Variants in PCDH9 observed in about 807,000 individuals in gnomAD.
PCDH9 encodes the protein protocadherin-9.
PCDH9 carries 24 observed loss-of-function variants against 70.6 expected under a neutral mutation model. The observed-to-expected ratio is 0.34, with a 90% CI of 0.25 to 0.48. The LOEUF is 0.48. PCDH9 is among the 20% of genes least tolerant of loss of function. The pLI, the probability that PCDH9 is intolerant of heterozygous loss-of-function variation, is 0.99. For synonymous variants in PCDH9, 562 were observed against 558.5 expected, an observed-to-expected ratio of 1.01 and a Z score of -0.09; for missense variants, 1,281 against 1,503.6, an observed-to-expected ratio of 0.85 and a Z score of 2.45.
chr13:67,020,553 A>G (rs901385474), intron 2 of PCDH9, among the ~76,000 whole-genome samples: 2 of 151,756 alleles, frequency 1.3e-5, no homozygotes, highest in African/African-American at 2.4e-5. Context: ...ATTGCAAAGG[A>G]AAAAAAAATC....
intron 2 of PCDH9, among the ~76,000 whole-genome samples, chr13:67,013,903 G>T (rs967044409): frequency 6.6e-6 from 1 of 151,982 alleles, no homozygotes; most frequent in African/African-American, 2.4e-5. Flanking sequence ...ATCATCACGA[G>T]ATAAGCATCA....
At chr13:66,742,873 G>A (rs1181393954) in intron 3 of PCDH9, among the ~76,000 whole-genome samples, 1 of 141,282 alleles carries the variant, frequency 7.1e-6, no homozygotes, top group East Asian at 2.2e-4. Context: ...TGGAGAAATA[G>A]GAACACTTTT....
At chr13:66,348,777 G>A (rs923371337) in intron 4 of PCDH9, among the ~76,000 whole-genome samples, 2 of 148,534 alleles carry the variant, frequency 1.3e-5, no homozygotes, top group African/African-American at 5.0e-5. Context: ...TTTGCAATCA[G>A]TACCTACTTC....
intron 2 of PCDH9, among the ~76,000 whole-genome samples, chr13:67,093,296 A>G (rs544903866): frequency 6.6e-6 from 1 of 152,104 alleles, no homozygotes; most frequent in Admixed American, 6.6e-5. Context: ...CTCTACTAAA[A>G]ATACAAAAAT....
chr13:66,721,971 T>C (rs2078946943), intron 3 of PCDH9, among the ~76,000 whole-genome samples: 2 of 152,220 alleles, frequency 1.3e-5, no homozygotes, highest in Non-Finnish European at 1.5e-5. Context: ...AATAAATTTA[T>C]GAACACGGAC....
intron 2 of PCDH9, among the ~76,000 whole-genome samples, chr13:67,002,411 G>A (rs2139822625): frequency 6.6e-6 from 1 of 151,826 alleles, no homozygotes; most frequent in Non-Finnish European, 1.5e-5. Flanking sequence ...ACGTGATATT[G>A]TATTTTATAC....
intron 4 of PCDH9, among the ~76,000 whole-genome samples, chr13:66,627,277 A>G (rs186874255): frequency 5.9e-4 from 90 of 152,310 alleles, no homozygotes; most frequent in African/African-American, 2.0e-3. Context: ...AAGCCCGGTC[A>G]ACAAATTCCA....
intron 2 of PCDH9, among the ~76,000 whole-genome samples, chr13:66,961,442 G>A (rs1359158587): frequency 6.6e-6 from 1 of 152,166 alleles, no homozygotes; most frequent in Non-Finnish European, 1.5e-5. Flanking sequence ...GACCTCAAAG[G>A]AAGGAATAGA....
intron 2 of PCDH9, among the ~76,000 whole-genome samples, chr13:67,124,163 A>G (rs898114306): frequency 2.0e-5 from 3 of 152,284 alleles, no homozygotes; most frequent in East Asian, 1.9e-4. Flanking sequence ...AACATTGTCG[A>G]AGGAGTGTCA....
chr13:66,927,672 C>G (rs969274615), intron 2 of PCDH9, among the ~76,000 whole-genome samples: 3 of 151,980 alleles, frequency 2.0e-5, no homozygotes, highest in Non-Finnish European at 4.4e-5. Flanking sequence ...ATAGATCTGG[C>G]TGTGTTCTTT....
chr13:67,025,137 G>A (rs2139869594), intron 2 of PCDH9, among the ~76,000 whole-genome samples: 2 of 152,236 alleles, frequency 1.3e-5, no homozygotes, highest in Admixed American at 1.3e-4. Flanking sequence ...GTGTGTGCAT[G>A]TACAAACACT....
At chr13:66,551,157 G>C (rs952791) in intron 4 of PCDH9, among the ~76,000 whole-genome samples, 1 of 152,084 alleles carries the variant, frequency 6.6e-6, no homozygotes, top group African/African-American at 2.4e-5. Context: ...TGTTGGCTAA[G>C]AGTGTCTTTA....
chr13:67,175,783 A>G (rs1159906770), intron 2 of PCDH9, among the ~76,000 whole-genome samples: 1 of 152,154 alleles, frequency 6.6e-6, no homozygotes, highest in East Asian at 1.9e-4. Context: ...CTCCAATTCT[A>G]TCTCCCTTAA....
At chr13:67,126,218 T>C (rs1311058039) in intron 2 of PCDH9, among the ~76,000 whole-genome samples, 1 of 152,190 alleles carries the variant, frequency 6.6e-6, no homozygotes, top group East Asian at 1.9e-4. Flanking sequence ...AATTTAACTA[T>C]CTTAATCAAC....
intron 2 of PCDH9, among the ~76,000 whole-genome samples, chr13:67,080,260 C>T (rs1453840110): frequency 1.3e-5 from 2 of 152,142 alleles, no homozygotes. Context: ...AAATTAATAA[C>T]ATTTATGGTA....
intron 4 of PCDH9, among the ~76,000 whole-genome samples, chr13:66,483,731 G>A (rs1447490911): frequency 6.6e-6 from 1 of 152,160 alleles, no homozygotes; most frequent in Non-Finnish European, 1.5e-5. Context: ...AGGAGGGCAT[G>A]ATCCCTGACT....
At chr13:66,649,902 A>T (rs979935001) in intron 3 of PCDH9, among the ~76,000 whole-genome samples, 7 of 151,982 alleles carry the variant, frequency 4.6e-5, no homozygotes, top group African/African-American at 1.7e-4. Flanking sequence ...GTTAGTTATC[A>T]TTATTTTACA....
At chr13:66,688,401 C>T (rs544121711) in intron 3 of PCDH9, among the ~76,000 whole-genome samples, 32 of 152,186 alleles carry the variant, frequency 2.1e-4, no homozygotes, top group African/African-American at 6.0e-4. Flanking sequence ...ATAGAAACCA[C>T]GGAAGGGATA....
intron 4 of PCDH9, among the ~76,000 whole-genome samples, chr13:66,461,124 T>G (rs1958416840): frequency 6.6e-6 from 1 of 151,760 alleles, no homozygotes; most frequent in African/African-American, 2.4e-5. Context: ...CTAAAATAAA[T>G]TAATCGGGAG....
Sources: gnomAD v4.1 joint callset for allele counts (sites outside exome capture counted in the v4.1 genomes callset) on GRCh38, gnomAD v4.1.1 for gene constraint, MANE v1.5 for transcripts, NCBI Gene and HGNC (gene_info 2026-07-23, HGNC 2026-07-21) for gene names.